The following ELP4 variants were observed in gnomAD, a reference collection of about 807,000 sequenced individuals.
ELP4 encodes elongator complex protein 4.
In ELP4, 51 loss-of-function variants were observed where a neutral mutation model predicts 48.9. The ratio of observed to expected loss-of-function variants is 1.04; its 90% confidence interval spans 0.83 to 1.32. ELP4 has a LOEUF of 1.32. ELP4 is among the 40% of genes most tolerant of loss of function. The pLI, the probability that ELP4 is intolerant of heterozygous loss-of-function variation, is 0.00. For synonymous variants in ELP4, 210 were observed against 189.2 expected (o/e 1.11, Z -0.90); for missense variants, 519 against 514.6 (o/e 1.01, Z -0.08).
chr11:31,681,741 CTTT>C (rs367852606), intron 9 of ELP4: 20 of 142,008 alleles, frequency 1.4e-4, no homozygotes, highest in Middle Eastern at 3.3e-3. Flanking sequence ...TATTTCTTTC[CTTT>C]TTTTTTTTTT....
chr11:31,529,160 A>C (rs1319985101), intron 2 of ELP4, among the ~76,000 whole-genome samples: 2 of 151,984 alleles, frequency 1.3e-5, no homozygotes, highest in African/African-American at 4.8e-5. Context: ...AAACCAATGC[A>C]TGAGAAGTGC....
At chr11:31,701,097 A>T (rs764356039) in intron 9 of ELP4, among the ~76,000 whole-genome samples, 1 of 152,070 alleles carries the variant, frequency 6.6e-6, no homozygotes, top group Non-Finnish European at 1.5e-5. Flanking sequence ...TAATGTTTCA[A>T]ATAGCCAATG....
At chr11:31,538,332 TTACTC>T (rs1356150133) in intron 2 of ELP4, among the ~76,000 whole-genome samples, 27 of 148,390 alleles carry the variant, frequency 1.8e-4, no homozygotes, top group East Asian at 3.9e-4. Context: ...ATAATTATAA[TTACTC>T]TATTATATTG....
intron 3 of ELP4, among the ~76,000 whole-genome samples, chr11:31,587,511 G>T (rs1957496309): frequency 6.6e-6 from 1 of 152,166 alleles, no homozygotes; most frequent in African/African-American, 2.4e-5. Flanking sequence ...TTCTTACTGT[G>T]CTCCAAAATC....
intron 9 of ELP4, among the ~76,000 whole-genome samples, chr11:31,668,958 A>ATATC (rs1172122839): frequency 6.6e-6 from 1 of 151,808 alleles, no homozygotes; most frequent in African/African-American, 2.4e-5. Context: ...CATGTCCTTA[A>ATATC]TATCTGGCCT....
chr11:31,625,089 CAGTAA>C (rs763222854), intron 5 of ELP4, among the ~76,000 whole-genome samples: 1 of 151,302 alleles, frequency 6.6e-6, no homozygotes, highest in Non-Finnish European at 1.5e-5. Flanking sequence ...GTACATAAGC[CAGTAA>C]AGTAATCATT....
intron 3 of ELP4, among the ~76,000 whole-genome samples, chr11:31,564,640 G>C (rs1278192855): frequency 6.6e-6 from 1 of 152,036 alleles, no homozygotes; most frequent in Non-Finnish European, 1.5e-5. Flanking sequence ...TTGGCTTTTT[G>C]TCCCTACGAT....
intron 9 of ELP4, among the ~76,000 whole-genome samples, chr11:31,693,143 C>G (rs541422552): frequency 1.3e-5 from 2 of 151,900 alleles, no homozygotes; most frequent in South Asian, 2.1e-4. Context: ...TGGAAATAAT[C>G]TTAAACTCGT....
chr11:31,765,357 C>G (rs943329123), intron 9 of ELP4, among the ~76,000 whole-genome samples: 9 of 152,168 alleles, frequency 5.9e-5, no homozygotes, highest in African/African-American at 2.2e-4. Flanking sequence ...TTTACAAACA[C>G]TGATAGATGA....
At chr11:31,694,956 C>CTGTT (rs1391778170) in intron 9 of ELP4, among the ~76,000 whole-genome samples, 6 of 151,124 alleles carry the variant, frequency 4.0e-5, no homozygotes, top group Admixed American at 6.6e-5. Flanking sequence ...ATTTGGCTCT[C>CTGTT]TGTCTGTTAT....
chr11:31,641,410 C>G (rs1161501611), intron 7 of ELP4, among the ~76,000 whole-genome samples: 1 of 151,478 alleles, frequency 6.6e-6, no homozygotes, highest in Non-Finnish European at 1.5e-5. Flanking sequence ...TTTTAAAGGC[C>G]TTATATTATA....
At chr11:31,558,811 C>T (rs1956970091) in intron 3 of ELP4, among the ~76,000 whole-genome samples, 1 of 152,016 alleles carries the variant, frequency 6.6e-6, no homozygotes, top group Admixed American at 6.6e-5. Flanking sequence ...ATAACCCATT[C>T]TTAGATGATT....
chr11:31,658,005 A>C (rs1945475000), intron 9 of ELP4, among the ~76,000 whole-genome samples: 1 of 152,028 alleles, frequency 6.6e-6, no homozygotes, highest in African/African-American at 2.4e-5. Context: ...TGGAGAGATC[A>C]AGCAACTTAA....
intron 9 of ELP4, chr11:31,682,031 G>A (rs748647111): frequency 4.0e-5 from 52 of 1,290,318 alleles, no homozygotes; most frequent in Admixed American, 1.9e-4. Context: ...ATGAGCTACC[G>A]CGCCCGGCCT....
intron 9 of ELP4, among the ~76,000 whole-genome samples, chr11:31,746,585 G>T (rs1947597492): frequency 6.6e-6 from 1 of 152,182 alleles, no homozygotes; most frequent in African/African-American, 2.4e-5. Flanking sequence ...CATGTCCTTT[G>T]TAGGGACATG....
chr11:31,632,444 TA>T, intron 7 of ELP4, 39 bp downstream of exon 7: 4 of 1,518,300 alleles, frequency 2.6e-6, no homozygotes, highest in Non-Finnish European at 3.6e-6. Context: ...TAATTCATAG[TA>T]ATATAGTATG....
chr11:31,610,585 C>T (rs763759305), intron 5 of ELP4, among the ~76,000 whole-genome samples: 2 of 152,128 alleles, frequency 1.3e-5, no homozygotes, highest in African/African-American at 2.4e-5. Context: ...TTAACTCCCA[C>T]TTACAAGTGA....
chr11:31,547,602 T>C (rs1403822292), intron 3 of ELP4, among the ~76,000 whole-genome samples: 14 of 151,984 alleles, frequency 9.2e-5, no homozygotes, highest in African/African-American at 1.2e-4. Context: ...TTCCAATCAA[T>C]AGAAAAAGAG....
chr11:31,658,597 G>T (rs1485577950), intron 9 of ELP4, among the ~76,000 whole-genome samples: 1 of 151,812 alleles, frequency 6.6e-6, no homozygotes, highest in Non-Finnish European at 1.5e-5. Flanking sequence ...CAGTCTAAAA[G>T]TGTGCCAAAT....
Sources: gnomAD v4.1 joint callset for allele counts (sites outside exome capture counted in the v4.1 genomes callset) on GRCh38, gnomAD v4.1.1 for gene constraint, MANE v1.5 for transcripts, NCBI Gene and HGNC (gene_info 2026-07-23, HGNC 2026-07-21) for gene names.